PTPN13: variants seen among roughly 807,000 people sequenced by gnomAD.
The protein encoded by PTPN13 is tyrosine-protein phosphatase non-receptor type 13.
A neutral mutation model predicts 284.0 loss-of-function variants in PTPN13; 191 were observed. The observed-to-expected ratio is 0.67, with a 90% CI of 0.60 to 0.76. The LOEUF is 0.76. PTPN13 is among the 30% of genes least tolerant of loss of function. The probability of loss-of-function intolerance (pLI) is 0.00; values close to 1 mark genes in which losing one functional copy is unlikely to be tolerated. For synonymous variants in PTPN13, 986 were observed against 1,022.3 expected, an observed-to-expected ratio of 0.96 and a Z score of 0.68; for missense variants, 2,797 against 2,939.9, an observed-to-expected ratio of 0.95 and a Z score of 1.12.
At chr4:86,810,098 C>A in intron 46 of PTPN13, 114 bp downstream of exon 46, 1 of 736,760 alleles carries the variant, frequency 1.4e-6, no homozygotes, top group Non-Finnish European at 2.1e-6. Flanking sequence ...TATATGACTG[C>A]CTTCATTTTC....
At chr4:86,656,516 C>A (rs1725830516) in intron 2 of PTPN13, among the ~76,000 whole-genome samples, 1 of 152,176 alleles carries the variant, frequency 6.6e-6, no homozygotes, top group Admixed American at 6.5e-5. Flanking sequence ...ACTCCAGACC[C>A]TGTTTGCCAG....
At position 86,724,769 on chromosome 4, in the gene PTPN13, G is replaced by A. The variant is rs1175364094; in HGVS notation, c.1608+2335G>A. ...AACTTCTTCATACCCTGTTTCCATA[G>A]TTGATCTTTATTATATTCTGTGTTT... is the stretch of plus-strand genomic sequence containing the variant. On this transcript the variant is annotated intron_variant, in intron 10 of 47. Coordinates refer to ENST00000411767, the MANE Select transcript of PTPN13 (RefSeq NM_080683.3). Among the ~76,000 whole-genome samples the A allele has an allele frequency of 4.6e-5, 7 of 151,696 alleles. No homozygotes were observed. In the East Asian group the frequency reaches 9.7e-4, roughly 21 times the overall value.
intron 23 of PTPN13, among the ~76,000 whole-genome samples, chr4:86,761,149 TATATATATATATATATATATAA>T (rs1439401757): frequency 6.9e-6 from 1 of 143,914 alleles, no homozygotes; most frequent in Admixed American, 7.1e-5. Flanking sequence ...AATATATATA[TATATATATATATATATATATAA>T]ACACAACACA....
Position 86,770,186 on chromosome 4 carries a change from A to G in PTPN13, c.4790A>G (p.Asp1597Gly). 2 of 1,613,380 alleles carry G rather than the reference A, an allele frequency of 1.2e-6. No homozygotes were observed. The highest frequency in any genetic ancestry group is 8.5e-7 in the Non-Finnish European group (1 of 1,179,538). ...CCACCTGGTGTGCTACCGGAAATTG[A>G]TACTGCGCTTTTGGTGAGACTTATG... ...RPPPGVLPEI[D>G]TALLTPLQSP... Residue 1597 changes from aspartate to glycine, a missense_variant, in exon 30 of 48, where the codon GAT becomes GGT. Asp to Gly is a moderately conservative substitution (Grantham distance 94). Coordinates refer to ENST00000411767, the MANE Select transcript of PTPN13 (RefSeq NM_080683.3).
At chr4:86,763,543 G>A (rs939705061) in intron 24 of PTPN13, among the ~76,000 whole-genome samples, 1 of 152,128 alleles carries the variant, frequency 6.6e-6, no homozygotes. Context: ...CGTATAATGG[G>A]CATTTGAATT....
At chr4:86,618,348 A>G (rs1183834278) in intron 1 of PTPN13, among the ~76,000 whole-genome samples, 2 of 152,178 alleles carry the variant, frequency 1.3e-5, no homozygotes, top group Non-Finnish European at 2.9e-5. Context: ...TATAGTTTGA[A>G]GTCAGGTAGC....
intron 17 of PTPN13, among the ~76,000 whole-genome samples, chr4:86,749,301 T>TTCTTCA (rs1293250701): frequency 1.3e-5 from 2 of 152,006 alleles, no homozygotes; most frequent in South Asian, 2.1e-4. Context: ...CTCCTCCTTT[T>TTCTTCA]TCTTCATCTT....
Position 86,761,171 on chromosome 4 carries a change from A to ATATATATATATAT in PTPN13, c.3554-1556_3554-1555insTATATATATATAT, listed in dbSNP as rs1166814661. Among the ~76,000 whole-genome samples, 180 of 85,914 alleles carry ATATATATATATAT rather than the reference A, an allele frequency of 2.1e-3. 1 individual carries two copies. Among genetic ancestry groups the ATATATATATATAT allele is most frequent in the Middle Eastern group, 0.014 (2 of 148 alleles). 56.4% of individuals were successfully genotyped at this position (85,914 alleles called of 152,430 possible). On this transcript the variant is annotated intron_variant, in intron 23 of 47. Coordinates refer to ENST00000411767, the MANE Select transcript of PTPN13 (RefSeq NM_080683.3). ...ATATATATATATATATATATATATA[A>ATATATATATATAT]ACACAACACATACACACACTATTTT...
chr4:86,653,890 A>G (rs1435412534), intron 2 of PTPN13, among the ~76,000 whole-genome samples: 1 of 152,220 alleles, frequency 6.6e-6, no homozygotes, highest in Non-Finnish European at 1.5e-5. Flanking sequence ...AGATACGAAT[A>G]TTTAACTTAA....
At chr4:86,612,214 A>T (rs1565142188) in intron 1 of PTPN13, among the ~76,000 whole-genome samples, 1 of 152,206 alleles carries the variant, frequency 6.6e-6, no homozygotes, top group African/African-American at 2.4e-5. Flanking sequence ...AAAATTTATG[A>T]TATATAGCAT....
At chr4:86,693,044 G>T (rs1420967631) in intron 5 of PTPN13, among the ~76,000 whole-genome samples, 1 of 146,572 alleles carries the variant, frequency 6.8e-6, no homozygotes, top group East Asian at 2.0e-4. Flanking sequence ...CTCCAACCTG[G>T]GTGACAGAGT....
chr4:86,597,418 A>ATTTT (rs1346458696), intron 1 of PTPN13, among the ~76,000 whole-genome samples: 1 of 151,952 alleles, frequency 6.6e-6, no homozygotes, highest in Non-Finnish European at 1.5e-5. Flanking sequence ...TGTTTATTTT[A>ATTTT]TTTTTTTAAA....
intron 31 of PTPN13, among the ~76,000 whole-genome samples, chr4:86,772,071 T>C (rs1740058744): frequency 6.6e-6 from 1 of 152,266 alleles, no homozygotes; most frequent in Non-Finnish European, 1.5e-5. Context: ...CAAGTTTTTT[T>C]CCTTTGTATT....
At chr4:86,752,264 CT>C (rs915341524) in intron 19 of PTPN13, among the ~76,000 whole-genome samples, 42 of 151,998 alleles carry the variant, frequency 2.8e-4, no homozygotes, top group Admixed American at 2.8e-3. Flanking sequence ...AGTTTAAAAG[CT>C]TTTTTTATTC....
chr4:86,677,005 C>T (rs778479259), intron 3 of PTPN13, among the ~76,000 whole-genome samples: 3 of 152,114 alleles, frequency 2.0e-5, no homozygotes, highest in Non-Finnish European at 2.9e-5. Flanking sequence ...CGGTGGCTCA[C>T]GCCTGTAATC....
At chr4:86,804,212 G>A (rs1180607904) in intron 43 of PTPN13, among the ~76,000 whole-genome samples, 2 of 151,902 alleles carry the variant, frequency 1.3e-5, no homozygotes, top group Non-Finnish European at 2.9e-5. Context: ...ATTAACAGAA[G>A]GTTCTAATTT....
At chr4:86,807,962 CTT>C (rs1744831149) in intron 45 of PTPN13, 65 bp downstream of exon 45, 2 of 1,367,966 alleles carry the variant, frequency 1.5e-6, no homozygotes, top group African/African-American at 2.9e-5. Context: ...AGCCTGGACT[CTT>C]TCCGTGATTG....
chr4:86,649,474 T>C (rs961773390), intron 2 of PTPN13, among the ~76,000 whole-genome samples: 1 of 152,226 alleles, frequency 6.6e-6, no homozygotes, highest in Non-Finnish European at 1.5e-5. Flanking sequence ...GCATCATTTA[T>C]GAAGAGACTG....
At chr4:86,766,600 T>C (rs1739344953) in intron 27 of PTPN13, 83 bp downstream of exon 27, 2 of 989,694 alleles carry the variant, frequency 2.0e-6, no homozygotes, top group Non-Finnish European at 2.9e-6. Flanking sequence ...CATTGAGATC[T>C]CTAAATTTGT....
Sources: gnomAD v4.1 joint callset for allele counts (sites outside exome capture counted in the v4.1 genomes callset) on GRCh38, gnomAD v4.1.1 for gene constraint, MANE v1.5 for transcripts, NCBI Gene and HGNC (gene_info 2026-07-23, HGNC 2026-07-21) for gene names.